PLD5: variants seen among roughly 807,000 people sequenced by gnomAD.
PLD5 encodes inactive phospholipase D5.
A neutral mutation model predicts 61.1 loss-of-function variants in PLD5; 36 were observed. That is an observed-to-expected ratio of 0.59 (90% CI 0.45 to 0.78). The LOEUF is 0.78. PLD5 is among the 30% of genes least tolerant of loss of function. PLD5 has a pLI of 0.00. For missense variants in PLD5, 515 were observed against 644.4 expected, an observed-to-expected ratio of 0.80 and a Z score of 2.17; for synonymous variants, 243 against 242.8, an observed-to-expected ratio of 1.00 and a Z score of -0.01.
intron 4 of PLD5, among the ~76,000 whole-genome samples, chr1:242,230,197 T>G (rs1174499925): frequency 6.6e-6 from 1 of 152,222 alleles, no homozygotes; most frequent in African/African-American, 2.4e-5. Flanking sequence ...TAATCCCATA[T>G]GTCTACCACT....
intron 9 of PLD5, among the ~76,000 whole-genome samples, chr1:242,091,234 G>A (rs1163203372): frequency 6.6e-6 from 1 of 152,154 alleles, no homozygotes; most frequent in African/African-American, 2.4e-5. Flanking sequence ...CTGAGGTACT[G>A]GGGGTTAGGA....
At chr1:242,315,222 A>G (rs1322562597) in intron 2 of PLD5, among the ~76,000 whole-genome samples, 3 of 152,208 alleles carry the variant, frequency 2.0e-5, no homozygotes, top group African/African-American at 7.2e-5. Flanking sequence ...ACCAAAACTT[A>G]ACTAATTAAT....
chr1:242,164,938 C>T (rs149432585), intron 5 of PLD5, among the ~76,000 whole-genome samples: 1 of 152,282 alleles, frequency 6.6e-6, no homozygotes, highest in East Asian at 1.9e-4. Flanking sequence ...TCCACCCTTC[C>T]ACAGACCACA....
In PLD5 at chr1:242,343,895, G is replaced by A. The variant is rs539651453; in HGVS notation, c.326+4211C>T. 1.8e-4 allele frequency among the ~76,000 whole-genome samples: 28 copies of A among 152,166 alleles called. 1 individual carries two copies. The highest frequency in any genetic ancestry group is 6.3e-4 in the African/African-American group (26 of 41,524). On this transcript the variant is annotated intron_variant, in intron 2 of 9. Transcript: ENST00000536534. ...ATTAAGACAGAAGGGGTTGATAGAG[G>A]AGGAGGTTCAGGGAGGTAAGAGACT...
At chr1:242,434,593 G>A (rs1447788721) in intron 1 of PLD5, among the ~76,000 whole-genome samples, 1 of 152,058 alleles carries the variant, frequency 6.6e-6, no homozygotes, top group African/African-American at 2.4e-5. Context: ...GGTCTATTGA[G>A]ACATCCCTTG....
chr1:242,200,648 T>G (rs1303494604), intron 5 of PLD5, among the ~76,000 whole-genome samples: 2 of 151,434 alleles, frequency 1.3e-5, no homozygotes, highest in Non-Finnish European at 2.9e-5. Flanking sequence ...AAAAATGTGT[T>G]GCATAAACCC....
intron 1 of PLD5, among the ~76,000 whole-genome samples, chr1:242,363,608 T>TA (rs1376756007): frequency 1.3e-5 from 2 of 151,708 alleles, no homozygotes; most frequent in Admixed American, 6.6e-5. Context: ...TAGTAATATC[T>TA]ACCAGACATG....
In PLD5 at chr1:242,165,452, G is replaced by GA. The variant is rs34435412; in HGVS notation, c.736-40788dup. 8.6e-4 allele frequency among the ~76,000 whole-genome samples: 100 copies of GA among 115,670 alleles called. 3 individuals carry two copies. The highest frequency in any genetic ancestry group is 5.0e-3 in the Middle Eastern group (1 of 202). 75.9% of individuals were successfully genotyped at this position (115,670 alleles called of 152,430 possible). A position where few individuals can be genotyped will look rare whatever the true frequency, so the allele number is the denominator to read the frequency against. On this transcript the variant is annotated intron_variant, in intron 5 of 9. Transcript: ENST00000536534. ...AATAGGTTGTGTGTGGCTTTAAAGGGAAAAAAAAAAAAAAACCTGCCAGCA... is the reference window on the plus strand; with the variant it reads ...AATAGGTTGTGTGTGGCTTTAAAGGGAAAAAAAAAAAAAAAACCTGCCAGCA...
At chr1:242,487,136 C>T (rs1667991859) in intron 1 of PLD5, among the ~76,000 whole-genome samples, 2 of 151,746 alleles carry the variant, frequency 1.3e-5, no homozygotes, top group Non-Finnish European at 2.9e-5. Flanking sequence ...GGGTGCAGCA[C>T]ACCAACATGG....
chr1:242,462,743 A>T lies in PLD5; in HGVS notation c.189+61345T>A, dbSNP rs114469427. ...CCAGATGAGGAGGTCTGCATAGATA[A>T]CCTCACTGTTCCTCACTGCCACTTT... On this transcript the variant is annotated intron_variant, in intron 1 of 9. Transcript: ENST00000536534. Among the ~76,000 whole-genome samples the T allele has an allele frequency of 9.8e-3, 1,488 of 152,020 alleles. 29 individuals are homozygous for T. Among genetic ancestry groups the T allele is most frequent in the African/African-American group, 0.034 (1,420 of 41,472 alleles).
intron 1 of PLD5, among the ~76,000 whole-genome samples, chr1:242,350,183 T>C (rs1324812441): frequency 2.0e-5 from 3 of 152,158 alleles, no homozygotes; most frequent in Admixed American, 6.5e-5. Context: ...TGATCTTGGA[T>C]TTCCCAGCCT....
intron 5 of PLD5, among the ~76,000 whole-genome samples, chr1:242,164,955 T>C (rs1431049528): frequency 6.6e-6 from 1 of 152,166 alleles, no homozygotes; most frequent in Admixed American, 6.5e-5. Flanking sequence ...CACATGACTG[T>C]TTTCCCACCT....
At chr1:242,232,422 C>G (rs1421024858) in intron 4 of PLD5, among the ~76,000 whole-genome samples, 1 of 151,958 alleles carries the variant, frequency 6.6e-6, no homozygotes, top group African/African-American at 2.4e-5. Context: ...AAACAGTATT[C>G]ACAAATAAGG....
intron 5 of PLD5, among the ~76,000 whole-genome samples, chr1:242,134,312 G>A (rs1047837776): frequency 1.3e-5 from 2 of 152,114 alleles, no homozygotes; most frequent in Non-Finnish European, 2.9e-5. Context: ...TATCTCTGAA[G>A]CTAAGCAGGG....
At chr1:242,114,901 G>T (rs1045359373) in intron 6 of PLD5, among the ~76,000 whole-genome samples, 1 of 152,028 alleles carries the variant, frequency 6.6e-6, no homozygotes, top group Non-Finnish European at 1.5e-5. Context: ...TGACAGCCAC[G>T]GATGGTAGCC....
At chr1:242,358,442 T>C (rs1469558346) in intron 1 of PLD5, among the ~76,000 whole-genome samples, 1 of 151,920 alleles carries the variant, frequency 6.6e-6, no homozygotes, top group Non-Finnish European at 1.5e-5. Context: ...ATGGGCCAGC[T>C]GGTAATGAAT....
At chr1:242,312,370 C>T (rs1676748004) in intron 2 of PLD5, among the ~76,000 whole-genome samples, 1 of 152,024 alleles carries the variant, frequency 6.6e-6, no homozygotes, top group Non-Finnish European at 1.5e-5. Flanking sequence ...TCTGTGAAGG[C>T]CTTTTCTAGC....
At chr1:242,228,762 C>T (rs1033878463) in intron 4 of PLD5, among the ~76,000 whole-genome samples, 1 of 151,772 alleles carries the variant, frequency 6.6e-6, no homozygotes, top group African/African-American at 2.4e-5. Flanking sequence ...AGAGAGCAAA[C>T]CATAGTGAAA....
At chr1:242,184,169 A>G (rs1383363459) in intron 5 of PLD5, among the ~76,000 whole-genome samples, 1 of 152,180 alleles carries the variant, frequency 6.6e-6, no homozygotes, top group Non-Finnish European at 1.5e-5. Flanking sequence ...GCTTTCTGTT[A>G]CAGCAAACAC....
Sources: gnomAD v4.1 joint callset for allele counts (sites outside exome capture counted in the v4.1 genomes callset) on GRCh38, gnomAD v4.1.1 for gene constraint, MANE v1.5 for transcripts, NCBI Gene and HGNC (gene_info 2026-07-23, HGNC 2026-07-21) for gene names.